The following SPEN variants were observed in gnomAD, a reference collection of about 807,000 sequenced individuals.
The protein encoded by SPEN is spen family transcriptional repressor.
SPEN carries 18 observed loss-of-function variants against 269.9 expected under a neutral mutation model. The observed-to-expected ratio is 0.07, with a 90% CI of 0.05 to 0.10. SPEN has a LOEUF of 0.10. Ranked by LOEUF, SPEN falls within the 10% of genes least tolerant of loss-of-function variation. The pLI is 1.00. For missense variants in SPEN, 3,822 were observed against 4,631.2 expected (o/e 0.83, Z 5.07); for synonymous variants, 1,726 against 1,765.7 (o/e 0.98, Z 0.56).
intron 1 of SPEN, among the ~76,000 whole-genome samples, chr1:15,867,175 C>CT (rs1450686480): frequency 6.6e-6 from 1 of 152,104 alleles, no homozygotes; most frequent in Admixed American, 6.6e-5. Flanking sequence ...CTGGCAATCT[C>CT]TAATTTACTT....
intron 1 of SPEN, among the ~76,000 whole-genome samples, chr1:15,855,028 T>C (rs760059678): frequency 3.9e-5 from 6 of 152,236 alleles, no homozygotes; most frequent in Non-Finnish European, 8.8e-5. Context: ...TGATTTCATT[T>C]TGAGTATAGA....
rs201304481 is a variant in SPEN, at chr1:15,935,646, C to T, written c.9406C>T (p.Arg3136Cys). Residue 3136 changes from arginine to cysteine, a missense_variant, in exon 11 of 15, where the codon CGT becomes TGT. Physicochemically the swap from Arg to Cys is radical, Grantham distance 180 (BLOSUM62 -3). Transcript: ENST00000375759. This position sits in a 1 kb window ranked among gnomAD's most constrained non-coding sequence, Gnocchi z 7.7. ...GCAAATAGAGGTCAGGGCCCCACAG[C>T]GTGCCAGCACCCCGCAGCCAGCCCC... ...PQQIEVRAPQRASTPQPAPAG... is the reference protein window; with the variant it reads ...PQQIEVRAPQCASTPQPAPAG... 3.3e-4 allele frequency: 531 copies of T among 1,614,068 alleles called. 1 individual carries two copies. The highest frequency in any genetic ancestry group is 7.4e-4 in the East Asian group (33 of 44,876).
intron 1 of SPEN, among the ~76,000 whole-genome samples, chr1:15,858,968 A>T (rs929714608): frequency 1.3e-5 from 2 of 152,054 alleles, no homozygotes; most frequent in African/African-American, 4.8e-5. Flanking sequence ...CAAAAAACTT[A>T]ATGTTTTGAA....
chr1:15,883,285 T>C (rs2070704474), intron 3 of SPEN, among the ~76,000 whole-genome samples: 1 of 152,172 alleles, frequency 6.6e-6, no homozygotes, highest in African/African-American at 2.4e-5. Context: ...CTTTGTGGTG[T>C]TTGCTTAAAG....
At position 15,940,222 on chromosome 1, in the gene SPEN, T is replaced by C. The variant is rs1386356568; in HGVS notation, c.*795T>C. ...AAATCTTATTTTCATATTCAGACTT[T>C]GTATTGCCCACTCATTTGTATAAGT... On this transcript the variant is annotated 3_prime_UTR_variant, in exon 15 of 15. Coordinates refer to ENST00000375759, the MANE Select transcript of SPEN (RefSeq NM_015001.3). 4.3e-6 allele frequency: 1 copy of C among 232,480 alleles called. No homozygotes were observed. The highest frequency in any genetic ancestry group is 6.1e-5 in the East Asian group (1 of 16,468). The allele number at this position is 232,480 out of a possible 1,614,324, so 14.4% of individuals were successfully genotyped here.
In SPEN at chr1:15,848,072, T is replaced by G; in HGVS notation, c.5T>G (p.Val2Gly). Reference sequence around the variant, plus strand: ...GTCGCCGGCACGCCGCCCAGCATGGTCCGGGAAACCAGGCATCTCTGGGTG... The same window carrying G: ...GTCGCCGGCACGCCGCCCAGCATGGGCCGGGAAACCAGGCATCTCTGGGTG... Reference protein sequence around the residue: MVRETRHLWVGN... With the variant: MGRETRHLWVGN... Residue 2 changes from valine (V) to glycine (G), a missense_variant, in exon 1 of 15, where the codon GTC becomes GGC. Around this residue, in one of 16 missense-constraint regions of SPEN, gnomAD observed 51 missense variants for 56.1 expected, o/e 0.91. Transcript: ENST00000375759. The surrounding 1 kb of genome is among the most constrained non-coding windows in gnomAD (Gnocchi z 5.1). 2.7e-6 allele frequency: 4 copies of G among 1,460,742 alleles called. No homozygotes were observed. The highest frequency in any genetic ancestry group is 3.7e-6 in the Non-Finnish European group (4 of 1,093,978). The allele number at this position is 1,460,742 out of a possible 1,614,324, so 90.5% of individuals were successfully genotyped here.
Position 15,928,484 on chromosome 1 carries a change from G to A in SPEN, c.2244G>A (p.Pro748=), listed in dbSNP as rs201535625. The change falls in exon 11 of 15, where the codon CCG becomes CCA. Residue 748 remains proline (P), a synonymous_variant. Coordinates refer to ENST00000375759, the MANE Select transcript of SPEN (RefSeq NM_015001.3). This position sits in a 1 kb window ranked among gnomAD's most constrained non-coding sequence, Gnocchi z 5.7. ...GASPSQAERL[P]SDSERRLYSR... ...CTCCCTCTCAGGCAGAGAGGTTGCCGAGTGATTCTGAGAGGAGGCTTTACA... is the reference window on the plus strand; with the variant it reads ...CTCCCTCTCAGGCAGAGAGGTTGCCAAGTGATTCTGAGAGGAGGCTTTACA... 17 of 1,614,114 alleles carry A rather than the reference G, an allele frequency of 1.1e-5. No homozygotes were observed. In the African/African-American group the frequency reaches 1.7e-4, roughly 16 times the overall value.
intron 3 of SPEN, among the ~76,000 whole-genome samples, chr1:15,889,470 T>G (rs577653383): frequency 1.3e-3 from 198 of 150,872 alleles, no homozygotes; most frequent in African/African-American, 4.6e-3. Flanking sequence ...CTGGCCAACA[T>G]TAGCATTTCC....
intron 3 of SPEN, among the ~76,000 whole-genome samples, chr1:15,889,164 C>CTTTTTTTTTTTTTTTTTTTTTT (rs56721891): frequency 8.0e-6 from 1 of 124,928 alleles, no homozygotes; most frequent in African/African-American, 3.2e-5. Flanking sequence ...CTTTTCTTTT[C>CTTTTTTTTTTTTTTTTTTTTTT]TTTTTTTTTT....
At chr1:15,849,003 C>T (rs966927221) in intron 1 of SPEN, among the ~76,000 whole-genome samples, 4 of 152,212 alleles carry the variant, frequency 2.6e-5, no homozygotes, top group Admixed American at 6.5e-5. Flanking sequence ...AAAAAACCTC[C>T]CCTGAATATT....
intron 3 of SPEN, among the ~76,000 whole-genome samples, chr1:15,889,807 G>A (rs937953136): frequency 5.9e-5 from 9 of 151,990 alleles, no homozygotes; most frequent in Non-Finnish European, 1.0e-4. Flanking sequence ...TCCATCTCCC[G>A]GGTTCAAGTG....
At chr1:15,896,586 C>T (rs551367581) in intron 3 of SPEN, among the ~76,000 whole-genome samples, 1 of 152,180 alleles carries the variant, frequency 6.6e-6, no homozygotes, top group Admixed American at 6.5e-5. Flanking sequence ...GGAGCCAGTA[C>T]CTGCCTAAGG....
Position 15,848,589 on chromosome 1 carries a change from G to C in SPEN, c.83+439G>C, listed in dbSNP as rs1407264638. ...GCGCCGCCACTCCAAGCTGCTCTGC[G>C]GGCGCTCGGCAATGTCTGACTTCGG... On this transcript the variant is annotated intron_variant, in intron 1 of 14. Coordinates refer to ENST00000375759, the MANE Select transcript of SPEN (RefSeq NM_015001.3). This position sits in a 1 kb window ranked among gnomAD's most constrained non-coding sequence, Gnocchi z 5.1. Among the ~76,000 whole-genome samples, 1 of 150,680 alleles carries C rather than the reference G, an allele frequency of 6.6e-6. No individual in the cohort carries two copies. The highest frequency in any genetic ancestry group is 6.7e-5 in the Admixed American group (1 of 15,032).
intron 3 of SPEN, among the ~76,000 whole-genome samples, chr1:15,902,784 A>G (rs1428237762): frequency 6.6e-6 from 1 of 152,264 alleles, no homozygotes; most frequent in Admixed American, 6.5e-5. Flanking sequence ...TATGGAGAGA[A>G]AAATTATTAG....
At position 15,928,291 on chromosome 1, in the gene SPEN, G is replaced by A; in HGVS notation, c.2051G>A (p.Arg684Lys). The A allele has an allele frequency of 6.2e-7, 1 of 1,614,162 alleles. No individual in the cohort carries two copies. The highest frequency in any genetic ancestry group is 8.5e-7 in the Non-Finnish European group (1 of 1,180,016). Residue 684 changes from arginine to lysine, a missense_variant, in exon 11 of 15, where the codon AGG becomes AAG. Physicochemically the swap from Arg to Lys is conservative, Grantham distance 26. Around this residue, in one of 16 missense-constraint regions of SPEN, gnomAD observed 572 missense variants for 582.6 expected, o/e 0.98. Coordinates refer to ENST00000375759, the MANE Select transcript of SPEN (RefSeq NM_015001.3). The surrounding 1 kb of genome is among the most constrained non-coding windows in gnomAD (Gnocchi z 5.7). ...GATCCTCGGGAATACAGGGATTACA[G>A]GAATGATCCTTATGAACAAGATATT... ...YDDPREYRDY[R>K]NDPYEQDIRE... is the part of the protein sequence containing the mutation.
chr1:15,854,584 T>C (rs1285141843), intron 1 of SPEN, among the ~76,000 whole-genome samples: 1 of 151,836 alleles, frequency 6.6e-6, no homozygotes, highest in African/African-American at 2.4e-5. Context: ...GCCTCCCAGG[T>C]TCAAGCAATT....
chr1:15,917,238 T>C (rs2071075166), intron 6 of SPEN, among the ~76,000 whole-genome samples: 1 of 152,254 alleles, frequency 6.6e-6, no homozygotes, highest in African/African-American at 2.4e-5. Flanking sequence ...AGTTTAATTC[T>C]ATTAGGAAGT....
chr1:15,928,431 T>C lies in SPEN; in HGVS notation c.2191T>C (p.Leu731=), dbSNP rs1163918323. Residue 731 remains leucine (L), a synonymous_variant, in exon 11 of 15, where the codon TTG becomes CTG. Coordinates refer to ENST00000375759, the MANE Select transcript of SPEN (RefSeq NM_015001.3). The surrounding 1 kb of genome is among the most constrained non-coding windows in gnomAD (Gnocchi z 5.7). The part of the protein sequence containing the change: ...PIERSQSPVH[L]RRPQSPGASP... ...TGAACGAAGTCAAAGTCCTGTTCAC[T>C]TGCGACGTCCACAGAGTCCTGGAGC... 1 of 1,614,010 alleles carries C rather than the reference T, an allele frequency of 6.2e-7. No homozygotes were observed. The highest frequency in any genetic ancestry group is 1.3e-5 in the African/African-American group (1 of 74,900).
rs747098120 is a variant in SPEN, at chr1:15,937,259, G to T, written c.10123G>T (p.Gly3375Cys). ...ACCACCCTGCCCGCCCTCCCAGCTC[G>T]GTCAGCCCGGCCAGCCACCAAGCAG... ...PAPPCPPSQL[G>C]QPGQPPSSKM... The change falls in exon 12 of 15, where the codon GGT (glycine) becomes TGT (cysteine). Residue 3375 changes from glycine (G) to cysteine (C), a missense_variant. Around this residue, in one of 16 missense-constraint regions of SPEN, gnomAD observed 359 missense variants for 377.3 expected, o/e 0.95. Transcript: ENST00000375759. The surrounding 1 kb of genome is among the most constrained non-coding windows in gnomAD (Gnocchi z 5.7). The T allele has an allele frequency of 6.2e-7, 1 of 1,613,692 alleles. No individual in the cohort carries two copies. The highest frequency in any genetic ancestry group is 1.7e-5 in the Admixed American group (1 of 59,990).
Sources: gnomAD v4.1 joint callset for allele counts (sites outside exome capture counted in the v4.1 genomes callset) on GRCh38, gnomAD v4.1.1 for gene constraint, gnomAD v4.1.1 regional missense constraint, Gnocchi (gnomAD v3.1) non-coding constraint, MANE v1.5 for transcripts, NCBI Gene and HGNC (gene_info 2026-07-23, HGNC 2026-07-21) for gene names.